Variants in CEP290 observed in about 807,000 individuals in gnomAD.
The protein encoded by CEP290 is centrosomal protein of 290 kDa.
In CEP290, 317 loss-of-function variants were observed where a neutral mutation model predicts 344.9. The observed-to-expected ratio is 0.92, with a 90% CI of 0.84 to 1.01. CEP290 has a LOEUF of 1.01. Ranked by LOEUF, CEP290 falls within the 50% of genes least tolerant of loss-of-function variation. The probability of loss-of-function intolerance (pLI) is 0.00; values close to 1 mark genes in which losing one functional copy is unlikely to be tolerated. For synonymous variants in CEP290, 932 were observed against 895.8 expected (o/e 1.04, Z -0.72); for missense variants, 2,754 against 2,761.4 (o/e 1.00, Z 0.06).
Position 88,130,301 on chromosome 12 carries a change from G to C in CEP290, c.636C>G (p.Asn212Lys). 6.2e-7 allele frequency: 1 copy of C among 1,605,182 alleles called. No homozygotes were observed. The highest frequency in any genetic ancestry group is 8.5e-7 in the Non-Finnish European group (1 of 1,177,154). ...CATCAAGATATTGGATAAGCTCATAGTTTTTTTTAGACAACTGTGATCGGT... is the reference window on the plus strand; with the variant it reads ...CATCAAGATATTGGATAAGCTCATACTTTTTTTTAGACAACTGTGATCGGT... ...SDYRSQLSKK[N>K]YELIQYLDEI... Residue 212 changes from asparagine (N) to lysine (K), a missense_variant, in exon 9 of 54, where the codon AAC (asparagine) becomes AAG (lysine). Coordinates refer to ENST00000552810, the MANE Select transcript of CEP290 (RefSeq NM_025114.4).
At chr12:88,106,384 T>C (rs1486719438) in intron 25 of CEP290, among the ~76,000 whole-genome samples, 2 of 152,174 alleles carry the variant, frequency 1.3e-5, no homozygotes, top group East Asian at 1.9e-4. Context: ...AAAATGTGAC[T>C]ATAATCAGGG....
intron 49 of CEP290, 137 bp from the exon 50 acceptor site, chr12:88,055,854 C>A: frequency 1.2e-5 from 8 of 644,680 alleles, no homozygotes; most frequent in Non-Finnish European, 2.0e-5. Flanking sequence ...GTTTTAGCTA[C>A]ATATTTATTT....
At position 88,111,776 on chromosome 12, in the gene CEP290, T is replaced by G. The variant is rs2038708025; in HGVS notation, c.2135A>C (p.Asn712Thr). The G allele has an allele frequency of 6.2e-7, 1 of 1,607,448 alleles. No individual in the cohort carries two copies. Among genetic ancestry groups the G allele is most frequent in the South Asian group, 1.1e-5 (1 of 89,678 alleles). The change falls in exon 21 of 54, where the codon AAT becomes ACT. Residue 712 changes from asparagine to threonine, a missense_variant. Physicochemically the swap from Asn to Thr is moderately conservative, Grantham distance 65. Coordinates refer to ENST00000552810, the MANE Select transcript of CEP290 (RefSeq NM_025114.4). ...KAQVDQLTGR[N>T]EELRQELRES... ...CCTGAGCTCCTGTCTTAATTCTTCA[T>G]TTCTTCCGGTAAGCTGATCAACTTG...
In CEP290 at chr12:88,126,364, CT is replaced by C. The variant is rs1419449757; in HGVS notation, c.1016del (p.Lys339ArgfsTer33). ...TTTTATCAGCATCAAGCTGAGCATT[CT>C]TAAGTTTCTCCCTTAGGTTATGTAA... Reference protein sequence around the residue: ...QMLHNLREKLKNAQLDADKSN... With the variant: ...QMLHNLREKLXNAQLDADKSN... On this transcript the variant is annotated frameshift_variant, in exon 12 of 54. Transcript: ENST00000552810. LOFTEE classifies it high-confidence loss of function. 6.6e-7 allele frequency: 1 copy of C among 1,509,206 alleles called. No homozygotes were observed. Among genetic ancestry groups the C allele is most frequent in the African/African-American group, 1.4e-5 (1 of 69,836 alleles). 93.5% of individuals were successfully genotyped at this position (1,509,206 alleles called of 1,614,324 possible).
intron 11 of CEP290, among the ~76,000 whole-genome samples, chr12:88,126,918 C>T (rs1011409713): frequency 5.9e-5 from 9 of 151,980 alleles, no homozygotes; most frequent in African/African-American, 1.9e-4. Context: ...TTAACACATA[C>T]CCAATAAAAA....
Position 88,129,730 on chromosome 12 carries a change from A to T in CEP290, c.816T>A (p.Asp272Glu). 2.0e-6 allele frequency: 3 copies of T among 1,464,776 alleles called. No individual in the cohort carries two copies. Among genetic ancestry groups the T allele is most frequent in the Non-Finnish European group, 2.7e-6 (3 of 1,091,492 alleles). 90.7% of individuals were successfully genotyped at this position (1,464,776 alleles called of 1,614,324 possible). The change falls in exon 10 of 54, where the codon GAT (aspartate) becomes GAA (glutamate). Residue 272 changes from aspartate to glutamate, a missense_variant. Asp to Glu is a conservative substitution (Grantham distance 45). Transcript: ENST00000552810. Reference protein sequence around the residue: ...AIVHQTDNVIDQLKKENDHYQ... With the variant: ...AIVHQTDNVIEQLKKENDHYQ... ...AATGATCGTTTTCTTTTTTTAACTG[A>T]TCTATTACATTATCTGTCTGATGCA...
Position 88,068,515 on chromosome 12 carries a change from C to T in CEP290, c.6135+7G>A, listed in dbSNP as rs772383636. On this transcript the variant is annotated splice_region_variant and intron_variant, in intron 44 of 53. Coordinates refer to ENST00000552810, the MANE Select transcript of CEP290 (RefSeq NM_025114.4). ...AAAGAAAAAAATAATAAAAGATATA[C>T]ACTTACTGAAGGCTTAGAATATGTA... is the stretch of plus-strand genomic sequence containing the variant. 8.1e-6 allele frequency: 12 copies of T among 1,477,700 alleles called. No homozygotes were observed. The highest frequency in any genetic ancestry group is 1.4e-5 in the South Asian group (1 of 71,008). The allele number at this position is 1,477,700 out of a possible 1,614,324, so 91.5% of individuals were successfully genotyped here. A position where few individuals can be genotyped will look rare whatever the true frequency, so the allele number is the denominator to read the frequency against.
intron 44 of CEP290, among the ~76,000 whole-genome samples, chr12:88,064,618 T>A (rs2136827317): frequency 6.6e-6 from 1 of 152,208 alleles, no homozygotes; most frequent in African/African-American, 2.4e-5. Flanking sequence ...GGTATCCTTA[T>A]GAAAAGAGAA....
At position 88,126,301 on chromosome 12, in the gene CEP290, C is replaced by T. The variant is rs2039725085; in HGVS notation, c.1065+15G>A. 1.4e-6 allele frequency: 2 copies of T among 1,435,208 alleles called. No individual in the cohort carries two copies. Among genetic ancestry groups the T allele is most frequent in the African/African-American group, 1.5e-5 (1 of 66,372 alleles). The allele number at this position is 1,435,208 out of a possible 1,614,324, so 88.9% of individuals were successfully genotyped here. On this transcript the variant is annotated intron_variant, in intron 12 of 53. Transcript: ENST00000552810. The stretch of plus-strand genomic sequence containing the variant: ...ATAAAACTGGTTGATAAACAAAATT[C>T]TGTTAAGATTTTACCTGCTGTAGAG...
chr12:88,114,389 G>GA (rs11358611), intron 20 of CEP290, 31 bp downstream of exon 20: 1 of 1,516,762 alleles, frequency 6.6e-7, no homozygotes, highest in Admixed American at 2.2e-5. Context: ...AGTGATAGGG[G>GA]AAAAACATTA....
chr12:88,110,653 G>A (rs2038622975), intron 22 of CEP290, among the ~76,000 whole-genome samples: 1 of 152,086 alleles, frequency 6.6e-6, no homozygotes, highest in African/African-American at 2.4e-5. Context: ...AAGTTGCAGT[G>A]AGCCAAGATA....
Position 88,111,259 on chromosome 12 carries a change from T to C in CEP290, c.2310A>G (p.Ala770=). Residue 770 remains alanine, a synonymous_variant, in exon 22 of 54, where the codon GCA becomes GCG. Coordinates refer to ENST00000552810, the MANE Select transcript of CEP290 (RefSeq NM_025114.4). ...AATTAATGATACTGGCACTAGATGG[T>C]GCTATCCCATCAGGTAAGTCAATTC... ...FKGIDLPDGI[A]PSSASIINSQ... The C allele has an allele frequency of 6.5e-7, 1 of 1,540,360 alleles. No individual in the cohort carries two copies. The highest frequency in any genetic ancestry group is 8.8e-7 in the Non-Finnish European group (1 of 1,140,678).
Position 88,097,086 on chromosome 12 carries a change from TCTC to T in CEP290, c.2992-90_2992-88del, listed in dbSNP as rs962928694. Reference sequence around the variant, plus strand: ...GACATTGTCTTAACTTTATATAACATCTCCTTAAAACTCACAATCCAGTTTTTT... The same window carrying T: ...GACATTGTCTTAACTTTATATAACATCTTAAAACTCACAATCCAGTTTTTT... On this transcript the variant is annotated intron_variant, in intron 26 of 53. Coordinates refer to ENST00000552810, the MANE Select transcript of CEP290 (RefSeq NM_025114.4). The T allele has an allele frequency of 7.1e-6, 5 of 703,504 alleles. No homozygotes were observed. The African/African-American group carries it at 9.2e-5, about 13-fold the overall frequency. The allele number at this position is 703,504 out of a possible 1,614,324, so 43.6% of individuals were successfully genotyped here. A position where few individuals can be genotyped will look rare whatever the true frequency, so the allele number is the denominator to read the frequency against.
chr12:88,102,777 A>T, intron 26 of CEP290, 61 bp downstream of exon 26: 1 of 1,447,458 alleles, frequency 6.9e-7, no homozygotes, highest in Non-Finnish European at 9.4e-7. Context: ...ATCCCCCCAA[A>T]CACAAAAATA....
intron 20 of CEP290, among the ~76,000 whole-genome samples, chr12:88,113,362 A>T (rs928210496): frequency 6.6e-6 from 1 of 152,098 alleles, no homozygotes; most frequent in Admixed American, 6.5e-5. Context: ...GGCAGAGGCA[A>T]AACAAAATCA....
At chr12:88,104,930 C>T (rs1025102216) in intron 25 of CEP290, among the ~76,000 whole-genome samples, 1 of 152,056 alleles carries the variant, frequency 6.6e-6, no homozygotes, top group African/African-American at 2.4e-5. Context: ...ATACTATTTA[C>T]TTACCCCATA....
chr12:88,102,641 T>TTG (rs59853208), intron 26 of CEP290, among the ~76,000 whole-genome samples, 197 bp downstream of exon 26: 36 of 151,260 alleles, frequency 2.4e-4, no homozygotes, highest in African/African-American at 6.3e-4. Context: ...AGATAATATA[T>TTG]TGTGTGTGTG....
chr12:88,123,573 T>C (rs566147403), intron 13 of CEP290, among the ~76,000 whole-genome samples: 1 of 152,236 alleles, frequency 6.6e-6, no homozygotes, highest in Non-Finnish European at 1.5e-5. Flanking sequence ...CTCTCTGGGC[T>C]TTCCTTTTCA....
intron 39 of CEP290, 25 bp downstream of exon 39, chr12:88,079,067 T>G (rs2035993654): frequency 2.0e-6 from 3 of 1,510,508 alleles, no homozygotes; most frequent in African/African-American, 1.4e-5. Context: ...GAAATTTTGT[T>G]ACATTAACAC....
Sources: allele counts gnomAD v4.1 joint callset (sites outside exome capture counted in the v4.1 genomes callset), GRCh38; gene constraint gnomAD v4.1.1; transcripts MANE v1.5; gene names NCBI Gene and HGNC (gene_info 2026-07-23, HGNC 2026-07-21).